AUTS2: variants seen among roughly 807,000 people sequenced by gnomAD.
The protein encoded by AUTS2 is activator of transcription and developmental regulator AUTS2, also known as autism susceptibility gene 2 protein.
In AUTS2, 17 loss-of-function variants were observed where a neutral mutation model predicts 112.4. The observed-to-expected ratio is 0.15, with a 90% CI of 0.10 to 0.23. The LOEUF (loss-of-function observed/expected upper bound fraction) is 0.23. Among genes scored for constraint, AUTS2 ranks in the 10% least tolerant of loss-of-function variants. AUTS2 has a pLI of 1.00. For synonymous variants in AUTS2, 751 were observed against 702.7 expected (o/e 1.07, Z -1.09); for missense variants, 1,510 against 1,701.6 (o/e 0.89, Z 1.98).
At position 69,914,348 on chromosome 7, in the gene AUTS2, C is replaced by T. The variant is rs914452967; in HGVS notation, c.522+14850C>T. ...AAGCACACACACAGACACAGACACA[C>T]ACACACAGACACACACACACACACA... On this transcript the variant is annotated intron_variant, in intron 2 of 18. Coordinates refer to ENST00000342771, the MANE Select transcript of AUTS2 (RefSeq NM_015570.4). Among the ~76,000 whole-genome samples the T allele has an allele frequency of 3.2e-5, 4 of 124,662 alleles. No individual in the cohort carries two copies. The East Asian group carries it at 9.7e-4, about 30-fold the overall frequency. The allele number at this position is 124,662 out of a possible 152,430, so 81.8% of individuals were successfully genotyped here. A position where few individuals can be genotyped will look rare whatever the true frequency, so the allele number is the denominator to read the frequency against.
At chr7:69,876,459 T>A (rs1386250763) in intron 1 of AUTS2, among the ~76,000 whole-genome samples, 1 of 110,580 alleles carries the variant, frequency 9.0e-6, no homozygotes, top group African/African-American at 3.7e-5. Flanking sequence ...TAAAATACAT[T>A]ATATATATAC....
In AUTS2 at chr7:70,048,090, C is replaced by T. The variant is rs144313138; in HGVS notation, c.523-70042C>T. 2.6e-3 allele frequency among the ~76,000 whole-genome samples: 389 copies of T among 152,294 alleles called. 1 individual carries two copies. Among genetic ancestry groups the T allele is most frequent in the Middle Eastern group, 0.01 (3 of 292 alleles). On this transcript the variant is annotated intron_variant, in intron 2 of 18. Transcript: ENST00000342771. Reference sequence around the variant, plus strand: ...GTAGATGGTATAAAATAATAAGCCTCTCCACTGTGCTTCTGGGGGATTTCC... The same window carrying T: ...GTAGATGGTATAAAATAATAAGCCTTTCCACTGTGCTTCTGGGGGATTTCC...
intron 4 of AUTS2, among the ~76,000 whole-genome samples, chr7:70,360,546 A>C (rs1792213918): frequency 6.6e-6 from 1 of 152,144 alleles, no homozygotes; most frequent in African/African-American, 2.4e-5. Flanking sequence ...AGACAACAAT[A>C]ATACCTGTGA....
At chr7:70,325,184 C>T (rs895139046) in intron 4 of AUTS2, among the ~76,000 whole-genome samples, 6 of 152,036 alleles carry the variant, frequency 3.9e-5, no homozygotes, top group African/African-American at 1.4e-4. Flanking sequence ...TCATTACAGG[C>T]ATTGTGGCTC....
intron 1 of AUTS2, among the ~76,000 whole-genome samples, chr7:69,673,354 C>T (rs1796421147): frequency 6.6e-6 from 1 of 152,170 alleles, no homozygotes; most frequent in Admixed American, 6.5e-5. Context: ...GAGCCCTGAT[C>T]CTCATATGAC....
intron 1 of AUTS2, among the ~76,000 whole-genome samples, chr7:69,838,430 C>T (rs893493487): frequency 5.9e-5 from 9 of 152,066 alleles, no homozygotes; most frequent in Non-Finnish European, 4.4e-5. Flanking sequence ...ATTATTATCC[C>T]TGTTTTACAA....
chr7:70,516,730 T>C (rs1236864183), intron 5 of AUTS2, among the ~76,000 whole-genome samples: 1 of 152,180 alleles, frequency 6.6e-6, no homozygotes, highest in African/African-American at 2.4e-5. Flanking sequence ...CGAAAGCACT[T>C]GTGTGGCACT....
At chr7:69,877,915 C>A (rs1793875996) in intron 1 of AUTS2, among the ~76,000 whole-genome samples, 1 of 152,072 alleles carries the variant, frequency 6.6e-6, no homozygotes, top group Admixed American at 6.5e-5. Flanking sequence ...AGAGTCATGG[C>A]AGGCCGTGGA....
intron 4 of AUTS2, chr7:70,316,937 A>G (rs1320929736): frequency 6.6e-6 from 1 of 151,638 alleles, no homozygotes; most frequent in African/African-American, 2.4e-5. Flanking sequence ...TGCAACCCCA[A>G]CCCTCCGTAC....
At chr7:69,864,481 A>G (rs1031527730) in intron 1 of AUTS2, among the ~76,000 whole-genome samples, 7 of 152,212 alleles carry the variant, frequency 4.6e-5, no homozygotes, top group African/African-American at 1.7e-4. Context: ...GCTTCTGTGC[A>G]GAGGAAATGA....
chr7:70,701,988 T>C, intron 6 of AUTS2, among the ~76,000 whole-genome samples: 1 of 152,214 alleles, frequency 6.6e-6, no homozygotes, highest in Non-Finnish European at 1.5e-5. Context: ...ATTTATTCTA[T>C]AAAGGAACTT....
At chr7:69,644,205 A>G (rs1162560790) in intron 1 of AUTS2, among the ~76,000 whole-genome samples, 1 of 152,180 alleles carries the variant, frequency 6.6e-6, no homozygotes, top group Non-Finnish European at 1.5e-5. Flanking sequence ...AGCTAAGCAC[A>G]AAGGTTGCCA....
intron 1 of AUTS2, among the ~76,000 whole-genome samples, chr7:69,730,584 C>G (rs1186786834): frequency 6.6e-6 from 1 of 152,180 alleles, no homozygotes; most frequent in Non-Finnish European, 1.5e-5. Flanking sequence ...CCTGTAATGT[C>G]TACAAGTCAG....
chr7:70,636,199 A>G (rs951536603), intron 5 of AUTS2, among the ~76,000 whole-genome samples: 1 of 152,188 alleles, frequency 6.6e-6, no homozygotes, highest in African/African-American at 2.4e-5. Flanking sequence ...GGCCCGGGCA[A>G]GGTGTGAGAT....
At chr7:70,687,820 A>T (rs1341523799) in intron 5 of AUTS2, among the ~76,000 whole-genome samples, 1 of 152,202 alleles carries the variant, frequency 6.6e-6, no homozygotes, top group Non-Finnish European at 1.5e-5. Context: ...GGGCCACCTG[A>T]CGTTGATTAG....
intron 5 of AUTS2, among the ~76,000 whole-genome samples, chr7:70,565,706 T>C (rs1801681743): frequency 6.6e-6 from 1 of 152,212 alleles, no homozygotes; most frequent in Non-Finnish European, 1.5e-5. Flanking sequence ...TAACTATGAA[T>C]TCAGCTTTGC....
At chr7:70,522,512 A>G (rs1799684013) in intron 5 of AUTS2, among the ~76,000 whole-genome samples, 1 of 152,182 alleles carries the variant, frequency 6.6e-6, no homozygotes, top group South Asian at 2.1e-4. Flanking sequence ...TTGTCCATGT[A>G]TACCCAATAT....
At chr7:70,292,315 C>T (rs1352929320) in intron 4 of AUTS2, 4 of 152,244 alleles carry the variant, frequency 2.6e-5, no homozygotes, top group African/African-American at 4.8e-5. Context: ...TGCACATTCT[C>T]ATCTAAAATG....
intron 1 of AUTS2, among the ~76,000 whole-genome samples, chr7:69,892,988 A>G (rs948618578): frequency 2.6e-5 from 4 of 152,298 alleles, no homozygotes; most frequent in African/African-American, 9.6e-5. Context: ...GTGGTGTGAA[A>G]GATGGCACTA....
Sources: gnomAD v4.1 joint callset for allele counts (sites outside exome capture counted in the v4.1 genomes callset) on GRCh38, gnomAD v4.1.1 for gene constraint, MANE v1.5 for transcripts, NCBI Gene and HGNC (gene_info 2026-07-23, HGNC 2026-07-21) for gene names.